TAFA1: variants seen among roughly 807,000 people sequenced by gnomAD.
TAFA1 encodes chemokine-like protein TAFA-1.
TAFA1 carries 4 observed loss-of-function variants against 18.5 expected under a neutral mutation model. That is an observed-to-expected ratio of 0.22 (90% CI 0.11 to 0.49). The LOEUF is 0.49. TAFA1 is among the 20% of genes least tolerant of loss of function. TAFA1 has a pLI of 0.98. For missense variants in TAFA1, 147 were observed against 169.0 expected (o/e 0.87, Z 0.72); for synonymous variants, 56 against 55.2 (o/e 1.01, Z -0.06).
intron 2 of TAFA1, among the ~76,000 whole-genome samples, chr3:68,411,856 T>C (rs966262502): frequency 1.5e-4 from 23 of 152,156 alleles, no homozygotes; most frequent in Non-Finnish European, 2.5e-4. Flanking sequence ...AGTAAATTGC[T>C]CCGTTTGACT....
Position 68,470,973 on chromosome 3 carries a change from G to A in TAFA1, c.259+53553G>A, listed in dbSNP as rs557881123. 2.0e-4 allele frequency among the ~76,000 whole-genome samples: 30 copies of A among 152,212 alleles called. No individual in the cohort carries two copies. In the South Asian group the frequency reaches 3.3e-3, roughly 17 times the overall value. On this transcript the variant is annotated intron_variant, in intron 3 of 4. Coordinates refer to ENST00000478136, the MANE Select transcript of TAFA1 (RefSeq NM_213609.4). ...CTAGGAGGGAAAAATGTTTCCTGGC[G>A]TGGATCCAGGGTTCCCCATCTGTGT... is the stretch of plus-strand genomic sequence containing the variant.
At position 68,158,084 on chromosome 3, in the gene TAFA1, T is replaced by A. The variant is rs576749180; in HGVS notation, c.118+151340T>A. ...CCAACCCCCTTACAAAATCTGCCCC[T>A]GGAAAGCAACCCAAATATTGAGGCC... is the stretch of plus-strand genomic sequence containing the variant. On this transcript the variant is annotated intron_variant, in intron 2 of 4. Coordinates refer to ENST00000478136, the MANE Select transcript of TAFA1 (RefSeq NM_213609.4). Among the ~76,000 whole-genome samples the A allele has an allele frequency of 2.6e-5, 4 of 152,122 alleles. No homozygotes were observed. The South Asian group carries it at 6.2e-4, about 24-fold the overall frequency.
chr3:68,380,142 C>CACATTT (rs1215746891), intron 2 of TAFA1, among the ~76,000 whole-genome samples: 1 of 152,104 alleles, frequency 6.6e-6, no homozygotes, highest in Non-Finnish European at 1.5e-5. Flanking sequence ...GTATATGTGC[C>CACATTT]ACATTTTCTT....
At chr3:68,346,631 A>G (rs780009139) in intron 2 of TAFA1, among the ~76,000 whole-genome samples, 47 of 152,180 alleles carry the variant, frequency 3.1e-4, no homozygotes, top group African/African-American at 1.0e-3. Context: ...GACTGCTAAC[A>G]TTTTTGAGGC....
At position 68,478,961 on chromosome 3, in the gene TAFA1, G is replaced by A. The variant is rs185114252; in HGVS notation, c.260-59795G>A. On this transcript the variant is annotated intron_variant, in intron 3 of 4. Transcript: ENST00000478136. Reference sequence around the variant, plus strand: ...AAAAATATATATCTGTAGGCCAGGCGCAGTGGCTCATGCCTGTAATCAGCA... The same window carrying A: ...AAAAATATATATCTGTAGGCCAGGCACAGTGGCTCATGCCTGTAATCAGCA... 2.7e-3 allele frequency among the ~76,000 whole-genome samples: 404 copies of A among 149,868 alleles called. 2 individuals are homozygous for A. The highest frequency in any genetic ancestry group is 9.3e-3 in the African/African-American group (380 of 41,018).
intron 2 of TAFA1, among the ~76,000 whole-genome samples, chr3:68,235,397 C>G (rs889248594): frequency 6.6e-6 from 1 of 152,022 alleles, no homozygotes; most frequent in Non-Finnish European, 1.5e-5. Flanking sequence ...AAATTCTGGG[C>G]GTGTTATTTA....
At chr3:68,540,988 T>C (rs531659369) in intron 4 of TAFA1, among the ~76,000 whole-genome samples, 1 of 152,278 alleles carries the variant, frequency 6.6e-6, no homozygotes, top group Non-Finnish European at 1.5e-5. Flanking sequence ...GCTACCTCCC[T>C]GGGTGGGCTG....
At chr3:68,462,274 C>T (rs2071798451) in intron 3 of TAFA1, among the ~76,000 whole-genome samples, 1 of 152,096 alleles carries the variant, frequency 6.6e-6, no homozygotes, top group African/African-American at 2.4e-5. Context: ...TTGTAGCTCC[C>T]ATAATTCCTA....
At chr3:68,339,153 G>A (rs925013728) in intron 2 of TAFA1, among the ~76,000 whole-genome samples, 3 of 152,202 alleles carry the variant, frequency 2.0e-5, no homozygotes, top group African/African-American at 7.2e-5. Context: ...AGCAGGGTAG[G>A]TATGTAAAGA....
At chr3:68,126,856 A>G (rs2065470628) in intron 2 of TAFA1, among the ~76,000 whole-genome samples, 1 of 152,198 alleles carries the variant, frequency 6.6e-6, no homozygotes, top group Non-Finnish European at 1.5e-5. Context: ...ATGTGTGGAC[A>G]CATACCCGCT....
chr3:68,307,392 T>C (rs969381480), intron 2 of TAFA1, among the ~76,000 whole-genome samples: 4 of 152,202 alleles, frequency 2.6e-5, no homozygotes, highest in African/African-American at 9.6e-5. Context: ...AGAGTGGTCT[T>C]ATAGGTAAAG....
intron 2 of TAFA1, among the ~76,000 whole-genome samples, chr3:68,025,078 A>T (rs111381141): frequency 1.3e-5 from 2 of 152,130 alleles, no homozygotes; most frequent in African/African-American, 4.8e-5. Flanking sequence ...GATCTTCCCT[A>T]GTCCCCACAC....
intron 2 of TAFA1, among the ~76,000 whole-genome samples, chr3:68,150,786 G>GA (rs914749478): frequency 4.0e-5 from 6 of 150,878 alleles, no homozygotes; most frequent in Admixed American, 6.6e-5. Context: ...TTTCTTTTCA[G>GA]AAAAAAAAAT....
chr3:68,054,239 T>C (rs1462146465), intron 2 of TAFA1, among the ~76,000 whole-genome samples: 1 of 151,936 alleles, frequency 6.6e-6, no homozygotes, highest in Admixed American at 6.6e-5. Context: ...CTCTTGTGAG[T>C]AGATGAATGT....
chr3:68,455,847 G>C (rs2071653559), intron 3 of TAFA1, among the ~76,000 whole-genome samples: 1 of 152,108 alleles, frequency 6.6e-6, no homozygotes, highest in South Asian at 2.1e-4. Context: ...AATCCTTCCA[G>C]ACTTTCACTG....
intron 2 of TAFA1, among the ~76,000 whole-genome samples, chr3:68,092,664 G>A (rs903739482): frequency 1.3e-5 from 2 of 152,056 alleles, no homozygotes; most frequent in Non-Finnish European, 2.9e-5. Context: ...GAGTTTATAG[G>A]TACATTAGCA....
the TAFA1 span, among the ~76,000 whole-genome samples, chr3:67,996,952 C>A: frequency 6.6e-6 from 1 of 152,076 alleles, no homozygotes; most frequent in Non-Finnish European, 1.5e-5. Flanking sequence ...ACAGCAAGTG[C>A]AGTTGACAGA....
chr3:68,317,912 G>C (rs1575772870), intron 2 of TAFA1, among the ~76,000 whole-genome samples: 1 of 152,042 alleles, frequency 6.6e-6, no homozygotes, highest in Admixed American at 6.6e-5. Context: ...ACAAGTGCCT[G>C]GGAGCCTGTA....
At chr3:68,510,748 T>G (rs2072833984) in intron 3 of TAFA1, among the ~76,000 whole-genome samples, 1 of 152,110 alleles carries the variant, frequency 6.6e-6, no homozygotes, top group African/African-American at 2.4e-5. Flanking sequence ...GAATTTTGAC[T>G]CCCAATTCAA....
Sources: gnomAD v4.1 joint callset for allele counts (sites outside exome capture counted in the v4.1 genomes callset) on GRCh38, gnomAD v4.1.1 for gene constraint, MANE v1.5 for transcripts, NCBI Gene and HGNC (gene_info 2026-07-23, HGNC 2026-07-21) for gene names.